RABGAP1L: variants seen among roughly 807,000 people sequenced by gnomAD.
RABGAP1L encodes the protein rab GTPase-activating protein 1-like.
RABGAP1L carries 63 observed loss-of-function variants against 137.7 expected under a neutral mutation model. The observed-to-expected ratio is 0.46, with a 90% CI of 0.37 to 0.56. The LOEUF (loss-of-function observed/expected upper bound fraction) is 0.56. RABGAP1L is among the 20% of genes least tolerant of loss of function. The pLI, the probability that RABGAP1L is intolerant of heterozygous loss-of-function variation, is 0.00. For synonymous variants in RABGAP1L, 431 were observed against 433.7 expected (o/e 0.99, Z 0.08); for missense variants, 1,095 against 1,244.0 (o/e 0.88, Z 1.80).
chr1:174,805,155 A>G (rs1312654966), intron 18 of RABGAP1L, among the ~76,000 whole-genome samples: 1 of 152,188 alleles, frequency 6.6e-6, no homozygotes, highest in Non-Finnish European at 1.5e-5. Flanking sequence ...TAATAAATTC[A>G]TGGAACAAAT....
intron 5 of RABGAP1L, among the ~76,000 whole-genome samples, chr1:174,249,337 G>A (rs1262875307): frequency 6.6e-6 from 1 of 152,126 alleles, no homozygotes; most frequent in Admixed American, 6.5e-5. Context: ...CTATGGTTCT[G>A]TATCTAGCCC....
chr1:174,415,272 T>G (rs1318804247), intron 13 of RABGAP1L, among the ~76,000 whole-genome samples: 1 of 152,114 alleles, frequency 6.6e-6, no homozygotes, highest in Admixed American at 6.5e-5. Flanking sequence ...TTTTCTAGAT[T>G]AACAATTTAT....
At chr1:174,805,089 A>C (rs891545462) in intron 18 of RABGAP1L, among the ~76,000 whole-genome samples, 1 of 152,198 alleles carries the variant, frequency 6.6e-6, no homozygotes, top group Non-Finnish European at 1.5e-5. Flanking sequence ...ACACTCCATA[A>C]TTTCCATTGT....
intron 19 of RABGAP1L, among the ~76,000 whole-genome samples, chr1:174,929,851 T>A (rs947716143): frequency 3.1e-5 from 2 of 63,674 alleles, no homozygotes; most frequent in Non-Finnish European, 5.2e-5. Flanking sequence ...AAATTTAATT[T>A]TTTTTTTTTT....
chr1:174,714,008 TCA>T (rs2148566367), intron 17 of RABGAP1L, among the ~76,000 whole-genome samples: 1 of 152,286 alleles, frequency 6.6e-6, no homozygotes, highest in East Asian at 1.9e-4. Flanking sequence ...TAAATAAAAC[TCA>T]CATTGTTTCA....
chr1:174,664,722 T>G (rs1676625716), intron 14 of RABGAP1L, among the ~76,000 whole-genome samples: 2 of 143,208 alleles, frequency 1.4e-5, no homozygotes, highest in Non-Finnish European at 3.0e-5. Flanking sequence ...TTTCTTTCTT[T>G]CTTTCTGCTT....
intron 13 of RABGAP1L, among the ~76,000 whole-genome samples, chr1:174,571,122 A>G (rs1667949689): frequency 1.3e-5 from 2 of 152,232 alleles, no homozygotes; most frequent in African/African-American, 4.8e-5. Context: ...TTGCAACAAC[A>G]TAGATGGAAC....
intron 19 of RABGAP1L, among the ~76,000 whole-genome samples, chr1:174,933,057 C>T (rs1664111432): frequency 6.6e-6 from 1 of 152,106 alleles, no homozygotes; most frequent in African/African-American, 2.4e-5. Context: ...GCAGACAGAA[C>T]TAGGGACTAA....
At chr1:174,948,976 A>G (rs982477831) in intron 19 of RABGAP1L, 1 of 152,198 alleles carries the variant, frequency 6.6e-6, no homozygotes, top group African/African-American at 2.4e-5. Context: ...AATATTTTTT[A>G]AAAGATGAAA....
At chr1:174,271,455 T>C (rs1674552927) in intron 7 of RABGAP1L, among the ~76,000 whole-genome samples, 1 of 152,140 alleles carries the variant, frequency 6.6e-6, no homozygotes, top group South Asian at 2.1e-4. Context: ...TTCTTTACCC[T>C]TTCTATAAAT....
At chr1:174,840,658 GAAAA>G (rs1693282559) in intron 19 of RABGAP1L, among the ~76,000 whole-genome samples, 1 of 147,776 alleles carries the variant, frequency 6.8e-6, no homozygotes, top group East Asian at 2.0e-4. Flanking sequence ...CAAAAAAAAA[GAAAA>G]AAATTTAGCT....
intron 18 of RABGAP1L, among the ~76,000 whole-genome samples, chr1:174,754,719 C>T (rs1343213004): frequency 6.6e-6 from 1 of 152,056 alleles, no homozygotes; most frequent in Admixed American, 6.5e-5. Flanking sequence ...TCAGGCTGGT[C>T]TCAAACTCCT....
At chr1:174,475,478 T>G (rs113536901) in intron 13 of RABGAP1L, among the ~76,000 whole-genome samples, 1 of 152,164 alleles carries the variant, frequency 6.6e-6, no homozygotes, top group African/African-American at 2.4e-5. Flanking sequence ...ACAATATTTT[T>G]AAAAATATTT....
chr1:174,490,663 T>C (rs1660134309), intron 13 of RABGAP1L, among the ~76,000 whole-genome samples: 1 of 152,072 alleles, frequency 6.6e-6, no homozygotes, highest in Non-Finnish European at 1.5e-5. Flanking sequence ...CCTTTCAGGG[T>C]AGTGAGTTCC....
At chr1:174,622,085 C>G (rs1672541061) in intron 13 of RABGAP1L, among the ~76,000 whole-genome samples, 1 of 152,112 alleles carries the variant, frequency 6.6e-6, no homozygotes, top group African/African-American at 2.4e-5. Context: ...TTTATGCAGC[C>G]AAGAGACACA....
intron 12 of RABGAP1L, among the ~76,000 whole-genome samples, chr1:174,375,710 T>G (rs1275364904): frequency 6.6e-6 from 1 of 152,176 alleles, no homozygotes; most frequent in Non-Finnish European, 1.5e-5. Flanking sequence ...ATTCATAGTT[T>G]AAAAGTTTTC....
Position 174,498,568 on chromosome 1 carries a change from C to T in RABGAP1L, c.1710+104423C>T, listed in dbSNP as rs148112936. 1.5e-3 allele frequency among the ~76,000 whole-genome samples: 228 copies of T among 152,022 alleles called. 1 individual carries two copies. Among genetic ancestry groups the T allele is most frequent in the Non-Finnish European group, 1.1e-3 (75 of 67,998 alleles). On this transcript the variant is annotated intron_variant, in intron 13 of 25. Transcript: ENST00000681986. ...GGAGTGCAGTGGTATGCGATCTCGG[C>T]TCACTGAAACCTCTGCCTCCTGGGT...
At chr1:174,259,400 A>G (rs574527953) in intron 7 of RABGAP1L, among the ~76,000 whole-genome samples, 35 of 152,338 alleles carry the variant, frequency 2.3e-4, no homozygotes, top group Non-Finnish European at 4.6e-4. Context: ...GAGGAAACTG[A>G]GGTACAAAAG....
chr1:174,256,606 C>T (rs1673148385), intron 7 of RABGAP1L, among the ~76,000 whole-genome samples: 1 of 152,084 alleles, frequency 6.6e-6, no homozygotes, highest in African/African-American at 2.4e-5. Context: ...CATGGTGAAA[C>T]CCCGTCTCTA....
Sources: gnomAD v4.1 joint callset for allele counts (sites outside exome capture counted in the v4.1 genomes callset) on GRCh38, gnomAD v4.1.1 for gene constraint, MANE v1.5 for transcripts, NCBI Gene and HGNC (gene_info 2026-07-23, HGNC 2026-07-21) for gene names.